TBX15: variants seen among roughly 807,000 people sequenced by gnomAD.
TBX15 encodes the protein T-box transcription factor 15.
Under a neutral mutation model 53.9 loss-of-function variants are expected in TBX15, and 18 were observed. The observed-to-expected ratio is 0.33, with a 90% CI of 0.23 to 0.49. TBX15 has a LOEUF of 0.49. Ranked by LOEUF, TBX15 falls within the 20% of genes least tolerant of loss-of-function variation. The pLI is 0.98. For missense variants in TBX15, 692 were observed against 749.5 expected, an observed-to-expected ratio of 0.92 and a Z score of 0.90; for synonymous variants, 295 against 278.0, an observed-to-expected ratio of 1.06 and a Z score of -0.61.
chr1:118,898,333 A>G (rs774875637), intron 7 of TBX15, among the ~76,000 whole-genome samples: 3 of 152,186 alleles, frequency 2.0e-5, no homozygotes, highest in Non-Finnish European at 4.4e-5. Flanking sequence ...AATATAATAT[A>G]TGGGTGCTAT....
At position 118,884,896 on chromosome 1, in the gene TBX15, T is replaced by C. The variant is rs1653873651; in HGVS notation, c.1645A>G (p.Asn549Asp). The stretch of plus-strand genomic sequence containing the variant: ...TACTGCCTCTCTCCAAAGGCCCCGT[T>C]GGAAGGAGAAGAACAGAGTAAAGTG... ...QSTLLCSSPS[N>D]GAFGERQYLP... The change falls in exon 8 of 8, where the codon AAC becomes GAC. Residue 549 changes from asparagine to aspartate, a missense_variant. Around this residue, in one of 3 missense-constraint regions of TBX15, gnomAD observed 375 missense variants for 371.6 expected, o/e 1.01. Coordinates refer to ENST00000369429, the MANE Select transcript of TBX15 (RefSeq NM_001330677.2). The C allele has an allele frequency of 6.2e-7, 1 of 1,614,074 alleles. No individual in the cohort carries two copies. The highest frequency in any genetic ancestry group is 1.1e-5 in the South Asian group (1 of 91,086).
chr1:118,888,930 G>T (rs536415477), intron 7 of TBX15, among the ~76,000 whole-genome samples: 45 of 152,070 alleles, frequency 3.0e-4, no homozygotes, highest in African/African-American at 6.5e-4. Flanking sequence ...AAAAAAAGGT[G>T]GGGGGTGGAA....
At chr1:118,899,485 T>C (rs1224274438) in intron 6 of TBX15, among the ~76,000 whole-genome samples, 1 of 152,180 alleles carries the variant, frequency 6.6e-6, no homozygotes, top group African/African-American at 2.4e-5. Flanking sequence ...ACTGCTTCTC[T>C]AGCACAGAAC....
chr1:118,890,022 C>T (rs770021137), intron 7 of TBX15, among the ~76,000 whole-genome samples: 2 of 152,114 alleles, frequency 1.3e-5, no homozygotes, highest in Admixed American at 6.6e-5. Flanking sequence ...AATGGCTCTG[C>T]GGTGTTGGCC....
intron 1 of TBX15, among the ~76,000 whole-genome samples, chr1:118,956,727 A>C (rs10923706): frequency 0.32 from 48,220 of 151,576 alleles, 8,847 homozygotes; most frequent in East Asian, 0.57. Context: ...CCGAAGTGGG[A>C]AGATCACGAG....
chr1:118,938,292 T>C (rs1656031304), intron 1 of TBX15, among the ~76,000 whole-genome samples: 1 of 152,124 alleles, frequency 6.6e-6, no homozygotes, highest in South Asian at 2.1e-4. Context: ...GGGAGTAACC[T>C]GAAGCTTGCA....
At chr1:118,975,096 C>A (rs1047526672) in intron 1 of TBX15, among the ~76,000 whole-genome samples, 7 of 152,198 alleles carry the variant, frequency 4.6e-5, no homozygotes, top group African/African-American at 1.7e-4. Context: ...AAGTTTTCCC[C>A]CGAATTTCAC....
rs76208611 is a variant in TBX15 at position 118,923,900 on chromosome 1, C to G, written c.694-297G>C. Among the ~76,000 whole-genome samples the G allele has an allele frequency of 0.014, 2,166 of 152,296 alleles. 46 individuals carry two copies. Among genetic ancestry groups the G allele is most frequent in the African/African-American group, 0.05 (2,086 of 41,560 alleles). ...CAATGGACATGTCACTAAAAGGTTT[C>G]AGAACCTCTGCCATGTGACAAGTTG... On this transcript the variant is annotated intron_variant, in intron 4 of 7. Coordinates refer to ENST00000369429, the MANE Select transcript of TBX15 (RefSeq NM_001330677.2).
Position 118,920,593 on chromosome 1 carries a change from C to T in TBX15, c.861+2843G>A, listed in dbSNP as rs1183668885. ...GAAAGACTCGGGGTCCAGCACTTGA[C>T]TCCCTAGGCACTGAGGAGTCATTGA... On this transcript the variant is annotated intron_variant, in intron 5 of 7. Coordinates refer to ENST00000369429, the MANE Select transcript of TBX15 (RefSeq NM_001330677.2). 2.0e-5 allele frequency among the ~76,000 whole-genome samples: 3 copies of T among 152,160 alleles called. No individual in the cohort carries two copies. In the South Asian group the frequency reaches 6.2e-4, roughly 31 times the overall value.
intron 5 of TBX15, among the ~76,000 whole-genome samples, chr1:118,920,462 A>C (rs1156470737): frequency 6.6e-6 from 1 of 152,224 alleles, no homozygotes; most frequent in Non-Finnish European, 1.5e-5. Flanking sequence ...TTCAGGCAAC[A>C]GTAAAAATCT....
chr1:118,907,300 CCA>C (rs1262792209), intron 6 of TBX15, among the ~76,000 whole-genome samples: 1 of 152,152 alleles, frequency 6.6e-6, no homozygotes, highest in African/African-American at 2.4e-5. Flanking sequence ...AGAGGAAATC[CCA>C]GAGTCTTTCA....
At chr1:118,910,951 A>C (rs1282250473) in intron 6 of TBX15, among the ~76,000 whole-genome samples, 1 of 152,236 alleles carries the variant, frequency 6.6e-6, no homozygotes, top group Non-Finnish European at 1.5e-5. Context: ...AGTTTGATTT[A>C]CTTGGAAAAG....
Position 118,987,775 on chromosome 1 carries a change from A to G in TBX15, c.21T>C (p.Ser7=). The G allele has an allele frequency of 6.5e-7, 1 of 1,550,074 alleles. No individual in the cohort carries two copies. Among genetic ancestry groups the G allele is most frequent in the South Asian group, 1.2e-5 (1 of 84,052 alleles). The change falls in exon 1 of 8, where the codon TCT becomes TCC. Residue 7 remains serine (S), a synonymous_variant. Coordinates refer to ENST00000369429, the MANE Select transcript of TBX15 (RefSeq NM_001330677.2). MSERRR[S]AVALSSRAHA... ...GTGCTCGCGAGCTCAGGGCGACTGC[A>G]GATCTTCTCCTTTCACTCATTTTAG...
rs537868747 is a variant in TBX15 at position 118,889,752 on chromosome 1, G to A, written c.1025-4236C>T. 9.2e-5 allele frequency among the ~76,000 whole-genome samples: 14 copies of A among 151,940 alleles called. No individual in the cohort carries two copies. In the South Asian group the frequency reaches 2.9e-3, roughly 32 times the overall value. ...TTTGAGAAATAGGTAAGATATAATAGTATACATTACAAAGTGCTCATAACT... is the reference window on the plus strand; with the variant it reads ...TTTGAGAAATAGGTAAGATATAATAATATACATTACAAAGTGCTCATAACT... On this transcript the variant is annotated intron_variant, in intron 7 of 7. Transcript: ENST00000369429.
rs567594916 is a variant in TBX15, at chr1:118,896,015, G to T, written c.1024+3013C>A. On this transcript the variant is annotated intron_variant, in intron 7 of 7. Transcript: ENST00000369429. ...CCAACCCATGGCCCAAGGGCTGCATGCAGCCAAGAATAGCTTTGAATGCAG... is the reference window on the plus strand; with the variant it reads ...CCAACCCATGGCCCAAGGGCTGCATTCAGCCAAGAATAGCTTTGAATGCAG... Among the ~76,000 whole-genome samples the T allele has an allele frequency of 2.0e-5, 3 of 152,320 alleles. No individual in the cohort carries two copies. In the South Asian group the frequency reaches 6.2e-4, roughly 32 times the overall value.
chr1:118,924,518 T>C (rs1006802396), intron 4 of TBX15, 128 bp downstream of exon 4: 1 of 1,077,650 alleles, frequency 9.3e-7, no homozygotes, highest in South Asian at 1.3e-5. Flanking sequence ...TATGCTTACT[T>C]ACTTAAAATT....
At position 118,883,624 on chromosome 1, in the gene TBX15, AC is replaced by A. The variant is rs1653806205; in HGVS notation, c.*1107del. ...GATTATAAAACTATTCCTTCTTCAC[AC>A]CCTTTTATTTTCCTTCCCCTACCAG... is the stretch of plus-strand genomic sequence containing the variant. On this transcript the variant is annotated 3_prime_UTR_variant, in exon 8 of 8. Coordinates refer to ENST00000369429, the MANE Select transcript of TBX15 (RefSeq NM_001330677.2). The A allele has an allele frequency of 6.6e-6, 1 of 152,020 alleles. No individual in the cohort carries two copies. The highest frequency in any genetic ancestry group is 2.4e-5 in the African/African-American group (1 of 41,348). The allele number at this position is 152,020 out of a possible 1,614,324, so 9.4% of individuals were successfully genotyped here. A position where few individuals can be genotyped will look rare whatever the true frequency, so the allele number is the denominator to read the frequency against.
chr1:118,908,592 G>A (rs1186835996), intron 6 of TBX15, among the ~76,000 whole-genome samples: 4 of 151,854 alleles, frequency 2.6e-5, no homozygotes, highest in South Asian at 2.1e-4. Flanking sequence ...AAATCTAGAA[G>A]TAGAAACAAC....
chr1:118,964,982 C>T (rs1571210210), intron 1 of TBX15, among the ~76,000 whole-genome samples: 1 of 152,208 alleles, frequency 6.6e-6, no homozygotes, highest in East Asian at 1.9e-4. Context: ...AGCAGGTTGC[C>T]CTGCCGTTCT....
Sources: gnomAD v4.1 joint callset for allele counts (sites outside exome capture counted in the v4.1 genomes callset) on GRCh38, gnomAD v4.1.1 for gene constraint, gnomAD v4.1.1 regional missense constraint, MANE v1.5 for transcripts, NCBI Gene and HGNC (gene_info 2026-07-23, HGNC 2026-07-21) for gene names.